The following CDKAL1 variants were observed in gnomAD, a reference collection of about 807,000 sequenced individuals.
The protein encoded by CDKAL1 is threonylcarbamoyladenosine tRNA methylthiotransferase.
CDKAL1 carries 32 observed loss-of-function variants against 68.2 expected under a neutral mutation model. The ratio of observed to expected loss-of-function variants is 0.47; its 90% CI spans 0.35 to 0.63. The LOEUF (loss-of-function observed/expected upper bound fraction) is 0.63, where lower values mean the gene tolerates loss of function less well. Ranked by LOEUF, CDKAL1 falls within the 30% of genes least tolerant of loss-of-function variation. The pLI is 0.00. For missense variants in CDKAL1, 606 were observed against 696.7 expected, an observed-to-expected ratio of 0.87 and a Z score of 1.47; for synonymous variants, 234 against 244.3, an observed-to-expected ratio of 0.96 and a Z score of 0.39.
chr6:21,104,682 A>C (rs1773760772), intron 12 of CDKAL1, among the ~76,000 whole-genome samples: 1 of 152,210 alleles, frequency 6.6e-6, no homozygotes, highest in Non-Finnish European at 1.5e-5. Flanking sequence ...ATAACCTTCA[A>C]TATGCCAAGA....
intron 10 of CDKAL1, among the ~76,000 whole-genome samples, chr6:20,960,311 A>T (rs143200216): frequency 2.6e-5 from 4 of 152,120 alleles, no homozygotes; most frequent in Admixed American, 2.6e-4. Context: ...TTGAGAAGCC[A>T]TGGGTTCGAA....
At chr6:20,921,907 A>C (rs999784426) in intron 9 of CDKAL1, among the ~76,000 whole-genome samples, 13 of 152,220 alleles carry the variant, frequency 8.5e-5, no homozygotes, top group African/African-American at 3.1e-4. Flanking sequence ...AGGAAGAATA[A>C]GTTAAACTTT....
intron 4 of CDKAL1, chr6:20,558,870 C>T: frequency 3.3e-6 from 1 of 305,794 alleles, no homozygotes; most frequent in Admixed American, 4.4e-5. Flanking sequence ...CTCAACCAAT[C>T]CACCTGCCTC....
intron 2 of CDKAL1, among the ~76,000 whole-genome samples, chr6:20,540,676 C>T (rs1009850601): frequency 6.6e-6 from 1 of 151,748 alleles, no homozygotes; most frequent in African/African-American, 2.4e-5. Context: ...GGCTGACCTC[C>T]AACTCCTGAC....
intron 5 of CDKAL1, among the ~76,000 whole-genome samples, chr6:20,681,625 G>C (rs1464867453): frequency 6.6e-6 from 1 of 152,090 alleles, no homozygotes; most frequent in Non-Finnish European, 1.5e-5. Flanking sequence ...TTCTTTGTCA[G>C]CTGCTATAAT....
At chr6:21,084,591 A>G (rs6915237) in intron 12 of CDKAL1, among the ~76,000 whole-genome samples, 19,434 of 152,214 alleles carry the variant, frequency 0.13, 1,340 homozygotes, top group Middle Eastern at 0.16. Flanking sequence ...GGAGTAAAAA[A>G]TATTTTCCAT....
At chr6:20,824,253 AG>A (rs1777406545) in intron 8 of CDKAL1, among the ~76,000 whole-genome samples, 1 of 152,168 alleles carries the variant, frequency 6.6e-6, no homozygotes, top group African/African-American at 2.4e-5. Context: ...TCATATAAGT[AG>A]ACTGGCTTGA....
intron 12 of CDKAL1, among the ~76,000 whole-genome samples, chr6:21,100,619 G>T (rs1264556649): frequency 6.6e-6 from 1 of 152,122 alleles, no homozygotes; most frequent in Non-Finnish European, 1.5e-5. Flanking sequence ...AAAAGAATAA[G>T]GAAGTATTAT....
intron 10 of CDKAL1, among the ~76,000 whole-genome samples, chr6:20,955,970 A>T (rs1412618451): frequency 6.6e-6 from 1 of 152,108 alleles, no homozygotes; most frequent in Non-Finnish European, 1.5e-5. Flanking sequence ...TGTTATCCAA[A>T]CTACTGTTAG....
At chr6:21,005,048 T>C (rs1462852419) in intron 11 of CDKAL1, among the ~76,000 whole-genome samples, 2 of 152,270 alleles carry the variant, frequency 1.3e-5, no homozygotes, top group South Asian at 2.1e-4. Context: ...GTTTCTGTTA[T>C]CTTTTAAACT....
intron 6 of CDKAL1, among the ~76,000 whole-genome samples, chr6:20,749,664 C>A (rs954490540): frequency 2.0e-5 from 3 of 151,932 alleles, no homozygotes; most frequent in Non-Finnish European, 4.4e-5. Flanking sequence ...TCTCCTGCCT[C>A]AGCCTCCCAA....
At chr6:20,922,107 T>C (rs1762982398) in intron 9 of CDKAL1, among the ~76,000 whole-genome samples, 1 of 152,194 alleles carries the variant, frequency 6.6e-6, no homozygotes, top group African/African-American at 2.4e-5. Flanking sequence ...GATAAAGGCA[T>C]ACATTCTGAG....
In CDKAL1 at chr6:20,663,692, T is replaced by G. The variant is rs1769395437; in HGVS notation, c.371+14315T>G. Among the ~76,000 whole-genome samples the G allele has an allele frequency of 2.0e-5, 3 of 152,126 alleles. No homozygotes were observed. In the South Asian group the frequency reaches 6.2e-4, roughly 31 times the overall value. On this transcript the variant is annotated intron_variant, in intron 5 of 15. Coordinates refer to ENST00000274695, the MANE Select transcript of CDKAL1 (RefSeq NM_017774.3). ...ATGGAATCTATAAGGAAAATATGTT[T>G]TTCATTGTTCTGAGATTCATTTCTG...
intron 12 of CDKAL1, among the ~76,000 whole-genome samples, chr6:21,092,991 T>A (rs1773123236): frequency 6.6e-6 from 1 of 151,412 alleles, no homozygotes; most frequent in South Asian, 2.1e-4. Context: ...AGAACAAATC[T>A]GGGAAGGGTC....
chr6:20,809,326 T>TTTGTTCTAC (rs1399187795), intron 8 of CDKAL1, among the ~76,000 whole-genome samples: 1 of 152,212 alleles, frequency 6.6e-6, no homozygotes, highest in Non-Finnish European at 1.5e-5. Flanking sequence ...GTTGAAGAAT[T>TTTGTTCTAC]TTGTTCTACT....
rs767073424 is a variant in CDKAL1, at chr6:21,197,974, G to A, written c.1300-47G>A. On this transcript the variant is annotated intron_variant, in intron 13 of 15. Transcript: ENST00000274695. ...TTTATTTTTATTTTTGGATTCACAG[G>A]TGTTTACCCTTATCTTTCCTTTCTT... 9.2e-6 allele frequency: 11 copies of A among 1,199,508 alleles called. No individual in the cohort carries two copies. In the Admixed American group the frequency reaches 1.7e-4, roughly 19 times the overall value. The allele number at this position is 1,199,508 out of a possible 1,614,324, so 74.3% of individuals were successfully genotyped here.
intron 15 of CDKAL1, among the ~76,000 whole-genome samples, chr6:21,219,601 G>GAGAT (rs1416092763): frequency 6.6e-6 from 1 of 152,216 alleles, no homozygotes; most frequent in Non-Finnish European, 1.5e-5. Context: ...GAGATTCTTT[G>GAGAT]AGATAGAGAA....
At chr6:20,741,945 C>T (rs1773477367) in intron 6 of CDKAL1, among the ~76,000 whole-genome samples, 1 of 152,108 alleles carries the variant, frequency 6.6e-6, no homozygotes, top group East Asian at 1.9e-4. Flanking sequence ...TAAGTGTTCC[C>T]TTTTCTCCAC....
intron 9 of CDKAL1, among the ~76,000 whole-genome samples, chr6:20,888,370 T>A (rs9465928): frequency 1.2e-3 from 161 of 129,822 alleles, no homozygotes; most frequent in African/African-American, 4.1e-3. Flanking sequence ...TTTTTTTTTT[T>A]AATTTTATTA....
Sources: allele counts gnomAD v4.1 joint callset (sites outside exome capture counted in the v4.1 genomes callset), GRCh38; gene constraint gnomAD v4.1.1; transcripts MANE v1.5; gene names NCBI Gene and HGNC (gene_info 2026-07-23, HGNC 2026-07-21).